The following CLIC5 variants were observed in gnomAD, a reference collection of about 807,000 sequenced individuals.
The protein encoded by CLIC5 is chloride intracellular channel protein 5.
In CLIC5, 20 loss-of-function variants were observed where a neutral mutation model predicts 24.7. The ratio of observed to expected loss-of-function variants is 0.81; its 90% CI spans 0.57 to 1.18. The LOEUF (loss-of-function observed/expected upper bound fraction) is 1.18. Among genes scored for constraint, CLIC5 ranks in the 50% most tolerant of loss-of-function variants. CLIC5 has a pLI of 0.00. For missense variants in CLIC5, 341 were observed against 326.1 expected, an observed-to-expected ratio of 1.05 and a Z score of -0.35; for synonymous variants, 159 against 135.6, an observed-to-expected ratio of 1.17 and a Z score of -1.20.
chr6:45,926,845 T>C (rs2127343615), intron 4 of CLIC5, among the ~76,000 whole-genome samples: 1 of 152,334 alleles, frequency 6.6e-6, no homozygotes, highest in South Asian at 2.1e-4. Context: ...CATTCTTTTA[T>C]TGATTGGTTC....
chr6:45,950,388 C>T lies in CLIC5; in HGVS notation c.174-1007G>A, dbSNP rs60586669. Among the ~76,000 whole-genome samples, 427 of 151,272 alleles carry T rather than the reference C, an allele frequency of 2.8e-3. 1 individual carries two copies. Among genetic ancestry groups the T allele is most frequent in the African/African-American group, 9.9e-3 (408 of 41,048 alleles). On this transcript the variant is annotated intron_variant, in intron 2 of 5. Transcript: ENST00000339561. The stretch of plus-strand genomic sequence containing the variant: ...CCAGCCTGGGCAACATAGCAAGACC[C>T]CCATCTTTACAAAAAAAAAAAACAA...
chr6:45,936,064 C>T (rs912995642), intron 4 of CLIC5, among the ~76,000 whole-genome samples: 1 of 152,128 alleles, frequency 6.6e-6, no homozygotes, highest in African/African-American at 2.4e-5. Flanking sequence ...GTCATCCCAT[C>T]TATGTGATTG....
intron 4 of CLIC5, among the ~76,000 whole-genome samples, chr6:45,929,365 T>C (rs931449728): frequency 7.9e-5 from 12 of 152,124 alleles, no homozygotes; most frequent in African/African-American, 2.9e-4. Context: ...GGACCCTCCA[T>C]GAGGGAGGAG....
At chr6:46,097,927 GGGGT>G in the CLIC5 span, among the ~76,000 whole-genome samples, 551 of 152,218 alleles carry the variant, frequency 3.6e-3, 3 homozygotes, top group African/African-American at 0.012. Flanking sequence ...ACCATCTGAT[GGGGT>G]GTACACACGT....
At chr6:45,984,663 C>A (rs546765516) in intron 1 of CLIC5, among the ~76,000 whole-genome samples, 2 of 152,274 alleles carry the variant, frequency 1.3e-5, no homozygotes, top group Admixed American at 1.3e-4. Context: ...GGTCTTCTTG[C>A]CTTCGCTGGG....
intron 2 of CLIC5, among the ~76,000 whole-genome samples, chr6:45,952,290 A>G (rs1311821844): frequency 6.6e-6 from 1 of 152,220 alleles, no homozygotes; most frequent in Non-Finnish European, 1.5e-5. Context: ...AGACTATATC[A>G]TTAGCATTGG....
chr6:45,905,981 T>A (rs1762649185), intron 5 of CLIC5, among the ~76,000 whole-genome samples: 1 of 152,186 alleles, frequency 6.6e-6, no homozygotes, highest in African/African-American at 2.4e-5. Flanking sequence ...ATTTCCCCAT[T>A]GCTTATTTTT....
chr6:46,104,925 C>CCATGCCTT, the CLIC5 span, among the ~76,000 whole-genome samples: 1 of 152,322 alleles, frequency 6.6e-6, no homozygotes, highest in African/African-American at 2.4e-5. Context: ...AGCTAAAATT[C>CCATGCCTT]CATGCCTTCA....
the CLIC5 span, among the ~76,000 whole-genome samples, chr6:46,105,315 G>T: frequency 6.6e-6 from 1 of 152,074 alleles, no homozygotes; most frequent in African/African-American, 2.4e-5. Context: ...AGATTTAAAA[G>T]GATTTTTTTG....
At chr6:46,014,437 A>G (rs1023348456) in intron 1 of CLIC5, 1 of 152,208 alleles carries the variant, frequency 6.6e-6, no homozygotes, top group African/African-American at 2.4e-5. Context: ...GACAGGCACC[A>G]GTGACTCTTC....
intron 1 of CLIC5, among the ~76,000 whole-genome samples, chr6:46,031,428 G>A (rs1334540284): frequency 6.6e-6 from 1 of 152,114 alleles, no homozygotes. Context: ...TATATGAAAA[G>A]GCATCCTACT....
rs1762472173 is a variant in CLIC5, at chr6:45,900,141, A to G, written c.*2947T>C. 6.6e-6 allele frequency: 1 copy of G among 152,162 alleles called. No individual in the cohort carries two copies. Among genetic ancestry groups the G allele is most frequent in the Non-Finnish European group, 1.5e-5 (1 of 68,030 alleles). The allele number at this position is 152,162 out of a possible 1,614,324, so 9.4% of individuals were successfully genotyped here. The stretch of plus-strand genomic sequence containing the variant: ...CAGAAGCAGGCATTGCTGACTAGAC[A>G]GTGAATTCAACTCAGTCATTCTGAG... On this transcript the variant is annotated 3_prime_UTR_variant, in exon 6 of 6. Transcript: ENST00000339561.
downstream of CLIC5, among the ~76,000 whole-genome samples, chr6:45,896,034 A>T (rs1007407275): frequency 3.3e-5 from 5 of 152,112 alleles, no homozygotes; most frequent in Non-Finnish European, 7.4e-5. Flanking sequence ...AGTATGCTTT[A>T]CTCTTTGCAT....
At chr6:46,092,700 C>T in the CLIC5 span, among the ~76,000 whole-genome samples, 574 of 152,170 alleles carry the variant, frequency 3.8e-3, 2 homozygotes, top group Non-Finnish European at 6.2e-3. Context: ...CAATCAATTT[C>T]CCTGCTAGTA....
the CLIC5 span, among the ~76,000 whole-genome samples, chr6:46,122,464 C>T: frequency 1.3e-5 from 2 of 151,988 alleles, no homozygotes; most frequent in Non-Finnish European, 2.9e-5. Flanking sequence ...ACTAAATGCC[C>T]ACAACAGAAA....
At chr6:46,114,520 G>A in the CLIC5 span, among the ~76,000 whole-genome samples, 2 of 152,218 alleles carry the variant, frequency 1.3e-5, no homozygotes, top group South Asian at 2.1e-4. Context: ...TACTCTTACT[G>A]GGCATCTTAA....
At chr6:45,920,553 A>C in intron 4 of CLIC5, 1 of 431,370 alleles carries the variant, frequency 2.3e-6, no homozygotes, top group Non-Finnish European at 3.1e-6. Context: ...AAGAGAAAAT[A>C]CAAAGATGGC....
At chr6:46,004,868 G>A (rs1348409362) in intron 1 of CLIC5, among the ~76,000 whole-genome samples, 1 of 152,104 alleles carries the variant, frequency 6.6e-6, no homozygotes, top group African/African-American at 2.4e-5. Context: ...TGTGACAAAG[G>A]GCCAAGGACA....
rs745572814 is a variant in CLIC5 at position 45,914,425 on chromosome 6, A to G, written c.407-16T>C. Reference sequence around the variant, plus strand: ...CTTTCAAGAGCTGGCATGAAAGAGTAAAAGGGCCTTTATTCAAACTTCTTG... The same window carrying G: ...CTTTCAAGAGCTGGCATGAAAGAGTGAAAGGGCCTTTATTCAAACTTCTTG... On this transcript the variant is annotated splice_polypyrimidine_tract_variant and intron_variant, in intron 4 of 5. Transcript: ENST00000339561. 9 of 1,549,660 alleles carry G rather than the reference A, an allele frequency of 5.8e-6. No individual in the cohort carries two copies. The highest frequency in any genetic ancestry group is 7.0e-6 in the Non-Finnish European group (8 of 1,138,544).
Sources: gnomAD v4.1 joint callset for allele counts (sites outside exome capture counted in the v4.1 genomes callset) on GRCh38, gnomAD v4.1.1 for gene constraint, MANE v1.5 for transcripts, NCBI Gene and HGNC (gene_info 2026-07-23, HGNC 2026-07-21) for gene names.